Variants in LRRFIP1 observed in about 807,000 individuals in gnomAD.
The protein encoded by LRRFIP1 is leucine-rich repeat flightless-interacting protein 1.
Under a neutral mutation model 104.4 loss-of-function variants are expected in LRRFIP1, and 62 were observed. The ratio of observed to expected loss-of-function variants is 0.59; its 90% CI spans 0.48 to 0.73. The LOEUF (loss-of-function observed/expected upper bound fraction) is 0.73, where lower values mean the gene tolerates loss of function less well. LRRFIP1 is among the 30% of genes least tolerant of loss of function. The pLI, the probability that LRRFIP1 is intolerant of heterozygous loss-of-function variation, is 0.00. For synonymous variants in LRRFIP1, 300 were observed against 299.0 expected, an observed-to-expected ratio of 1.00 and a Z score of -0.03; for missense variants, 796 against 824.5, an observed-to-expected ratio of 0.97 and a Z score of 0.42.
chr2:237,725,488 A>G (rs944367233), intron 7 of LRRFIP1, among the ~76,000 whole-genome samples: 7 of 152,274 alleles, frequency 4.6e-5, no homozygotes, highest in African/African-American at 1.7e-4. Context: ...CCACGTAAAA[A>G]CAGCCCCACC....
At chr2:237,751,880 C>T (rs1338169771) in intron 14 of LRRFIP1, among the ~76,000 whole-genome samples, 1 of 152,134 alleles carries the variant, frequency 6.6e-6, no homozygotes, top group African/African-American at 2.4e-5. Flanking sequence ...GTAAGGTGGG[C>T]AATCAGTGAC....
chr2:237,689,841 T>C (rs2092645404), intron 1 of LRRFIP1, among the ~76,000 whole-genome samples: 1 of 152,158 alleles, frequency 6.6e-6, no homozygotes, highest in Admixed American at 6.5e-5. Context: ...CCCAGGACAC[T>C]AGGCAGCAGG....
At chr2:237,695,066 G>A (rs1014925298) in intron 1 of LRRFIP1, among the ~76,000 whole-genome samples, 3 of 152,188 alleles carry the variant, frequency 2.0e-5, no homozygotes, top group Non-Finnish European at 4.4e-5. Flanking sequence ...GGCTGGCCCT[G>A]CTCTAGCTCA....
intron 19 of LRRFIP1, chr2:237,763,125 G>C: frequency 6.2e-7 from 1 of 1,614,220 alleles, no homozygotes; most frequent in South Asian, 1.1e-5. Context: ...ACAGGGCATA[G>C]TTTAGAGAAA....
At chr2:237,751,132 G>A in intron 13 of LRRFIP1, 68 bp from the exon 14 acceptor site, 1 of 1,098,490 alleles carries the variant, frequency 9.1e-7, no homozygotes, top group South Asian at 1.4e-5. Flanking sequence ...CTACCCTGAA[G>A]TATAAAAGAT....
intron 1 of LRRFIP1, among the ~76,000 whole-genome samples, chr2:237,645,016 TAA>T (rs1311811754): frequency 6.6e-6 from 1 of 152,204 alleles, no homozygotes; most frequent in Non-Finnish European, 1.5e-5. Flanking sequence ...TTCTCCTCTA[TAA>T]AGTTACTGCT....
rs1036308596 is a variant in LRRFIP1, at chr2:237,649,636, T to C, written c.96+21896T>C. Among the ~76,000 whole-genome samples, 1 of 151,970 alleles carries C rather than the reference T, an allele frequency of 6.6e-6. No homozygotes were observed. The highest frequency in any genetic ancestry group is 2.4e-5 in the African/African-American group (1 of 41,434). On this transcript the variant is annotated intron_variant, in intron 1 of 23. Coordinates refer to ENST00000308482, the MANE Select transcript of LRRFIP1 (RefSeq NM_001137550.2). This position sits in a 1 kb window ranked among gnomAD's most constrained non-coding sequence, Gnocchi z 4.1. ...TGTTTTTCTGAGAAGAAGGTGACTT[T>C]TCCCGGTTGCTGTCCATGCAGACTG...
intron 1 of LRRFIP1, among the ~76,000 whole-genome samples, chr2:237,666,405 A>G (rs1243480523): frequency 6.6e-6 from 1 of 152,266 alleles, no homozygotes; most frequent in Non-Finnish European, 1.5e-5. Flanking sequence ...AACTGAAGTA[A>G]TCTATAACTG....
In LRRFIP1 at chr2:237,708,612, G is replaced by A. The variant is rs765277912; in HGVS notation, c.165G>A (p.Leu55=). Residue 55 remains leucine, a synonymous_variant, in exon 2 of 24, where the codon CTG becomes CTA. Coordinates refer to ENST00000308482, the MANE Select transcript of LRRFIP1 (RefSeq NM_001137550.2). ...AEAREIRMKE[L]ERQQKEIYQV... ...CTCGCGAGATCCGCATGAAGGAGCT[G>A]GAGCGGCAGCAGAAGGAGGTAACGC... 2.6e-5 allele frequency: 42 copies of A among 1,600,456 alleles called. No homozygotes were observed. Among genetic ancestry groups the A allele is most frequent in the Non-Finnish European group, 3.4e-5 (40 of 1,171,774 alleles).
intron 19 of LRRFIP1, chr2:237,764,158 G>A: frequency 1.9e-6 from 3 of 1,614,084 alleles, no homozygotes; most frequent in Non-Finnish European, 2.5e-6. Flanking sequence ...CAGGCGGCAG[G>A]CGCGGTGCAC....
At chr2:237,713,421 C>A (rs544966295) in intron 2 of LRRFIP1, among the ~76,000 whole-genome samples, 1 of 152,256 alleles carries the variant, frequency 6.6e-6, no homozygotes, top group East Asian at 1.9e-4. Flanking sequence ...TTAGGGAGAA[C>A]CTACACTGAT....
intron 6 of LRRFIP1, among the ~76,000 whole-genome samples, chr2:237,722,355 G>A (rs185188482): frequency 6.6e-6 from 1 of 152,178 alleles, no homozygotes; most frequent in African/African-American, 2.4e-5. Context: ...CATTTTCCTG[G>A]GAAAAGAATG....
intron 13 of LRRFIP1, among the ~76,000 whole-genome samples, chr2:237,750,783 G>A (rs2058530108): frequency 6.6e-6 from 1 of 152,156 alleles, no homozygotes; most frequent in Admixed American, 6.5e-5. Flanking sequence ...CAGGAATTTG[G>A]CAAAGTAGAG....
At chr2:237,700,650 C>T (rs2093466262) in intron 1 of LRRFIP1, among the ~76,000 whole-genome samples, 1 of 152,214 alleles carries the variant, frequency 6.6e-6, no homozygotes, top group Non-Finnish European at 1.5e-5. Flanking sequence ...TTCCATCTGA[C>T]ATCTGAGGAG....
At chr2:237,654,042 T>C (rs4663776) in intron 1 of LRRFIP1, among the ~76,000 whole-genome samples, 56,908 of 151,928 alleles carry the variant, frequency 0.37, 10,972 homozygotes, top group South Asian at 0.46. Context: ...TGCACAGCAA[T>C]GGAAACAACA....
Position 237,731,697 on chromosome 2 carries a change from G to A in LRRFIP1, c.445-2077G>A, listed in dbSNP as rs547882650. Among the ~76,000 whole-genome samples the A allele has an allele frequency of 1.1e-4, 16 of 152,260 alleles. No individual in the cohort carries two copies. In the South Asian group the frequency reaches 3.3e-3, roughly 32 times the overall value. ...GTTACTTGCTCTAAAATAAAAGATGGCAATAAATATCTCATCTTTGGATAT... is the reference window on the plus strand; with the variant it reads ...GTTACTTGCTCTAAAATAAAAGATGACAATAAATATCTCATCTTTGGATAT... On this transcript the variant is annotated intron_variant, in intron 8 of 23. Coordinates refer to ENST00000308482, the MANE Select transcript of LRRFIP1 (RefSeq NM_001137550.2).
At chr2:237,752,102 A>T (rs1255465970) in intron 14 of LRRFIP1, among the ~76,000 whole-genome samples, 1 of 152,142 alleles carries the variant, frequency 6.6e-6, no homozygotes, top group Non-Finnish European at 1.5e-5. Context: ...CTGGCTTTCA[A>T]TTCATGCGAA....
intron 19 of LRRFIP1, chr2:237,768,834 G>A (rs1396174539): frequency 6.6e-6 from 1 of 152,146 alleles, no homozygotes; most frequent in Non-Finnish European, 1.5e-5. Flanking sequence ...TTTTCACATG[G>A]CTAATCAAGG....
rs75875718 is a variant in LRRFIP1, at chr2:237,668,513, C to G, written c.97-40031C>G. 2.6e-5 allele frequency among the ~76,000 whole-genome samples: 4 copies of G among 152,292 alleles called. No homozygotes were observed. The East Asian group carries it at 7.7e-4, about 29-fold the overall frequency. ...TACATTTTAAAGCCATATGATGGCACCAGGGGCCTCTTAGCCCCCTCCTTC... is the reference window on the plus strand; with the variant it reads ...TACATTTTAAAGCCATATGATGGCAGCAGGGGCCTCTTAGCCCCCTCCTTC... On this transcript the variant is annotated intron_variant, in intron 1 of 23. Transcript: ENST00000308482.
Sources: gnomAD v4.1 joint callset for allele counts (sites outside exome capture counted in the v4.1 genomes callset) on GRCh38, gnomAD v4.1.1 for gene constraint, Gnocchi (gnomAD v3.1) non-coding constraint, MANE v1.5 for transcripts, NCBI Gene and HGNC (gene_info 2026-07-23, HGNC 2026-07-21) for gene names.